The following MAGI3 variants were observed in gnomAD, a reference collection of about 807,000 sequenced individuals.
MAGI3 encodes the protein membrane associated guanylate kinase, WW and PDZ domain containing 3.
MAGI3 carries 43 observed loss-of-function variants against 121.8 expected under a neutral mutation model. The observed-to-expected ratio is 0.35, with a 90% CI of 0.28 to 0.46. The LOEUF is 0.46. Among genes scored for constraint, MAGI3 ranks in the 20% least tolerant of loss-of-function variants. The pLI, the probability that MAGI3 is intolerant of heterozygous loss-of-function variation, is 1.00. For synonymous variants in MAGI3, 553 were observed against 639.3 expected, an observed-to-expected ratio of 0.86 and a Z score of 2.04; for missense variants, 1,547 against 1,797.3, an observed-to-expected ratio of 0.86 and a Z score of 2.52.
At chr1:113,660,048 T>C (rs1329933205) in intron 16 of MAGI3, among the ~76,000 whole-genome samples, 4 of 152,200 alleles carry the variant, frequency 2.6e-5, no homozygotes, top group Admixed American at 2.6e-4. Context: ...GACCCTCTAA[T>C]CTAGTTGGTT....
intron 1 of MAGI3, among the ~76,000 whole-genome samples, chr1:113,406,341 A>C (rs1651681329): frequency 1.3e-5 from 2 of 151,002 alleles, no homozygotes; most frequent in African/African-American, 4.9e-5. Flanking sequence ...CCAGCTACTC[A>C]GGAGGCTAAG....
chr1:113,676,444 T>G (rs1571037670), intron 19 of MAGI3, among the ~76,000 whole-genome samples: 2 of 152,256 alleles, frequency 1.3e-5, no homozygotes, highest in Middle Eastern at 3.4e-3. Context: ...AGCAGAAACT[T>G]TAGAATCTAA....
intron 1 of MAGI3, among the ~76,000 whole-genome samples, chr1:113,439,397 A>G (rs1653802031): frequency 6.6e-6 from 1 of 152,166 alleles, no homozygotes; most frequent in Non-Finnish European, 1.5e-5. Flanking sequence ...TGTTTCCTCT[A>G]CTGAGAGCAT....
intron 1 of MAGI3, among the ~76,000 whole-genome samples, chr1:113,532,219 A>G (rs1658762003): frequency 6.6e-6 from 1 of 152,150 alleles, no homozygotes; most frequent in Non-Finnish European, 1.5e-5. Flanking sequence ...GAAAAATTGT[A>G]TATTCATTTT....
intron 19 of MAGI3, among the ~76,000 whole-genome samples, chr1:113,677,582 A>T (rs1647956641): frequency 6.6e-6 from 1 of 152,246 alleles, no homozygotes; most frequent in Admixed American, 6.5e-5. Flanking sequence ...AATATAAGCC[A>T]TGTGGTAGAA....
At chr1:113,546,885 A>G (rs1659557922) in intron 1 of MAGI3, among the ~76,000 whole-genome samples, 1 of 151,796 alleles carries the variant, frequency 6.6e-6, no homozygotes, top group Non-Finnish European at 1.5e-5. Flanking sequence ...GATCGAGGCC[A>G]ACCTGGCTAA....
At chr1:113,560,295 GA>G (rs970227381) in intron 2 of MAGI3, among the ~76,000 whole-genome samples, 1 of 152,098 alleles carries the variant, frequency 6.6e-6, no homozygotes, top group African/African-American at 2.4e-5. Context: ...AGAATCGCTT[GA>G]ACCTGGGAGG....
At chr1:113,401,918 G>T (rs1232140692) in intron 1 of MAGI3, among the ~76,000 whole-genome samples, 1 of 152,170 alleles carries the variant, frequency 6.6e-6, no homozygotes, top group Non-Finnish European at 1.5e-5. Flanking sequence ...GTTGTGGATT[G>T]TTGGAACCTC....
chr1:113,557,393 C>G (rs757705213), intron 2 of MAGI3, among the ~76,000 whole-genome samples: 2 of 152,206 alleles, frequency 1.3e-5, no homozygotes, highest in African/African-American at 2.4e-5. Context: ...AGAGTCCAAG[C>G]TGATGGGCAG....
chr1:113,395,143 G>C (rs1009266374), intron 1 of MAGI3, among the ~76,000 whole-genome samples: 1 of 38,640 alleles, frequency 2.6e-5, no homozygotes, highest in East Asian at 6.0e-4. Context: ...TTTTTGATGA[G>C]TTTTGTTTAG....
chr1:113,669,755 C>A (rs1168832579), intron 16 of MAGI3, among the ~76,000 whole-genome samples: 1 of 152,086 alleles, frequency 6.6e-6, no homozygotes, highest in African/African-American at 2.4e-5. Context: ...GTCTTGAACT[C>A]CTGACCTCAG....
intron 2 of MAGI3, among the ~76,000 whole-genome samples, chr1:113,550,287 G>A (rs548743593): frequency 6.6e-6 from 1 of 151,450 alleles, no homozygotes; most frequent in African/African-American, 2.4e-5. Flanking sequence ...TGCGTCGCAG[G>A]CGCCTGTAAT....
intron 1 of MAGI3, among the ~76,000 whole-genome samples, chr1:113,411,234 G>A (rs1282324425): frequency 6.6e-6 from 1 of 152,084 alleles, no homozygotes; most frequent in Non-Finnish European, 1.5e-5. Context: ...GAGTGGCAGT[G>A]TTTCAGTAAT....
chr1:113,551,136 G>A (rs898588149), intron 2 of MAGI3, among the ~76,000 whole-genome samples: 1 of 152,048 alleles, frequency 6.6e-6, no homozygotes, highest in East Asian at 1.9e-4. Context: ...ACTTTACTTG[G>A]GCAAGTTACT....
intron 6 of MAGI3, among the ~76,000 whole-genome samples, chr1:113,599,436 C>T (rs879714980): frequency 1.5e-4 from 23 of 152,254 alleles, no homozygotes; most frequent in Middle Eastern, 3.4e-3. Context: ...GAGAATACTA[C>T]GAACACCTCT....
At position 113,390,941 on chromosome 1, in the gene MAGI3, G is replaced by C; in HGVS notation, c.-93G>C. The C allele has an allele frequency of 9.0e-7, 1 of 1,108,156 alleles. No homozygotes were observed. Among genetic ancestry groups the C allele is most frequent in the Non-Finnish European group, 1.2e-6 (1 of 860,632 alleles). 68.6% of individuals were successfully genotyped at this position (1,108,156 alleles called of 1,614,324 possible). On this transcript the variant is annotated 5_prime_UTR_variant, in exon 1 of 21. Coordinates refer to ENST00000307546, the MANE Select transcript of MAGI3 (RefSeq NM_001142782.2). ...GGCGAGGCCCCCCTTACCGGGCTGC[G>C]CGGGCCGCCCAGGGCCCCCGGGCTG...
intron 1 of MAGI3, among the ~76,000 whole-genome samples, chr1:113,416,094 G>A (rs1188437173): frequency 2.1e-5 from 3 of 145,870 alleles, no homozygotes; most frequent in African/African-American, 5.0e-5. Context: ...TATTAATTAT[G>A]TAATTAATGA....
At chr1:113,395,222 C>T (rs967863743) in intron 1 of MAGI3, among the ~76,000 whole-genome samples, 1 of 147,444 alleles carries the variant, frequency 6.8e-6, no homozygotes, top group Admixed American at 6.9e-5. Flanking sequence ...CCCAGGCTTA[C>T]AATACATTTC....
At chr1:113,518,769 G>A (rs1658045495) in intron 1 of MAGI3, among the ~76,000 whole-genome samples, 1 of 151,298 alleles carries the variant, frequency 6.6e-6, no homozygotes. Flanking sequence ...GTCTCCATAG[G>A]GATCTTAAAT....
Sources: allele counts gnomAD v4.1 joint callset (sites outside exome capture counted in the v4.1 genomes callset), GRCh38; gene constraint gnomAD v4.1.1; transcripts MANE v1.5; gene names NCBI Gene and HGNC (gene_info 2026-07-23, HGNC 2026-07-21).